EHMT1: variants seen among roughly 807,000 people sequenced by gnomAD.
EHMT1 encodes the protein histone-lysine N-methyltransferase EHMT1.
A neutral mutation model predicts 147.2 loss-of-function variants in EHMT1; 15 were observed. The observed-to-expected ratio is 0.10, with a 90% confidence interval of 0.07 to 0.16. The LOEUF (loss-of-function observed/expected upper bound fraction) is 0.16, where lower values mean the gene tolerates loss of function less well. Ranked by LOEUF, EHMT1 falls within the 10% of genes least tolerant of loss-of-function variation. EHMT1 has a pLI of 1.00. For synonymous variants in EHMT1, 795 were observed against 709.6 expected, an observed-to-expected ratio of 1.12 and a Z score of -1.91; for missense variants, 1,587 against 1,772.4, an observed-to-expected ratio of 0.90 and a Z score of 1.88.
At chr9:137,720,530 T>G (rs1006336250) in intron 3 of EHMT1, among the ~76,000 whole-genome samples, 18 of 152,182 alleles carry the variant, frequency 1.2e-4, no homozygotes, top group African/African-American at 4.1e-4. Context: ...CTTGAATTCC[T>G]GAGCTCAAGT....
intron 26 of EHMT1, 95 bp downstream of exon 26, chr9:137,834,619 AT>A: frequency 6.3e-7 from 1 of 1,596,852 alleles, no homozygotes; most frequent in Admixed American, 1.7e-5. Flanking sequence ...TCTCGGGTTT[AT>A]GCTAGTGGTT....
intron 4 of EHMT1, among the ~76,000 whole-genome samples, chr9:137,729,878 G>A (rs1946954822): frequency 6.6e-6 from 1 of 152,154 alleles, no homozygotes; most frequent in Non-Finnish European, 1.5e-5. Context: ...ATACCGCGAC[G>A]CCGCTCTCTA....
rs572235378 is a variant in EHMT1 at position 137,715,446 on chromosome 9, C to T, written c.86-1180C>T. 83 of 743,940 alleles carry T rather than the reference C, an allele frequency of 1.1e-4. No individual in the cohort carries two copies. The South Asian group carries it at 3.0e-3, about 27-fold the overall frequency. The allele number at this position is 743,940 out of a possible 1,614,324, so 46.1% of individuals were successfully genotyped here. ...GGGCATTTGCGCTCATAGGACTTAACGTCCTCGGGTGGAAGGACAGACGGC... is the reference window on the plus strand; with the variant it reads ...GGGCATTTGCGCTCATAGGACTTAATGTCCTCGGGTGGAAGGACAGACGGC... On this transcript the variant is annotated intron_variant, in intron 2 of 26. Transcript: ENST00000460843.
chr9:137,709,163 G>C (rs577160064), intron 1 of EHMT1, among the ~76,000 whole-genome samples: 2 of 152,372 alleles, frequency 1.3e-5, no homozygotes, highest in Admixed American at 1.3e-4. Context: ...TGAGGTCCTA[G>C]TATTACCATG....
At chr9:137,690,156 G>A (rs1165902804) in intron 1 of EHMT1, among the ~76,000 whole-genome samples, 1 of 152,196 alleles carries the variant, frequency 6.6e-6, no homozygotes, top group East Asian at 1.9e-4. Context: ...TGTTGCTGGT[G>A]TGAGAAGTGA....
chr9:137,770,968 C>G (rs570415982), intron 10 of EHMT1, among the ~76,000 whole-genome samples: 1 of 152,024 alleles, frequency 6.6e-6, no homozygotes, highest in African/African-American at 2.4e-5. Flanking sequence ...TGTTATAAAC[C>G]CATTCCCAAA....
rs797045557 is a variant in EHMT1, at chr9:137,743,535, G to C, written c.981+7G>C. 2 of 1,613,992 alleles carry C rather than the reference G, an allele frequency of 1.2e-6. No homozygotes were observed. Among genetic ancestry groups the C allele is most frequent in the Non-Finnish European group, 1.7e-6 (2 of 1,180,034 alleles). ...TTCCACTGTGGGTTCCAAGGTAAGA[G>C]ACGCATTTGAGTGAGTTGCCACGTG... On this transcript the variant is annotated splice_region_variant and intron_variant, in intron 5 of 26. Transcript: ENST00000460843.
intron 1 of EHMT1, among the ~76,000 whole-genome samples, chr9:137,626,366 A>G (rs900754619): frequency 6.6e-6 from 1 of 151,814 alleles, no homozygotes; most frequent in African/African-American, 2.4e-5. Flanking sequence ...TGGGACTTCC[A>G]GCATGCACCA....
intron 2 of EHMT1, among the ~76,000 whole-genome samples, chr9:137,713,672 G>A (rs1944946893): frequency 6.6e-6 from 1 of 151,968 alleles, no homozygotes; most frequent in Non-Finnish European, 1.5e-5. Context: ...GTGATTGGCT[G>A]GGCACACTGG....
intron 14 of EHMT1, 49 bp downstream of exon 14, chr9:137,779,766 T>C: frequency 1.9e-6 from 3 of 1,600,382 alleles, no homozygotes; most frequent in Non-Finnish European, 2.6e-6. Flanking sequence ...CCTGTGGCAC[T>C]GAAAGAAGCC....
At chr9:137,688,392 A>G (rs1328304268) in intron 1 of EHMT1, among the ~76,000 whole-genome samples, 3 of 152,064 alleles carry the variant, frequency 2.0e-5, no homozygotes. Flanking sequence ...GTTCATTTTC[A>G]TGTGTTCATC....
intron 1 of EHMT1, among the ~76,000 whole-genome samples, chr9:137,638,724 A>G (rs1435602533): frequency 6.6e-6 from 1 of 151,020 alleles, no homozygotes; most frequent in East Asian, 1.9e-4. Context: ...CTAATCCAGT[A>G]TGACTTACGT....
intron 14 of EHMT1, among the ~76,000 whole-genome samples, chr9:137,781,890 C>T (rs1316256674): frequency 6.6e-6 from 1 of 152,236 alleles, no homozygotes; most frequent in Non-Finnish European, 1.5e-5. Flanking sequence ...TCTCAGACCT[C>T]CTGGGAATTG....
chr9:137,755,995 C>A (rs950618378), intron 8 of EHMT1, among the ~76,000 whole-genome samples: 22 of 152,178 alleles, frequency 1.4e-4, no homozygotes, highest in African/African-American at 5.1e-4. Flanking sequence ...TAGTCTCTGA[C>A]CTGCCTTTTC....
chr9:137,714,525 G>C (rs190462045), intron 2 of EHMT1, among the ~76,000 whole-genome samples: 86 of 146,938 alleles, frequency 5.9e-4, no homozygotes, highest in African/African-American at 2.0e-3. Flanking sequence ...TTTTGTTGTT[G>C]GGGGGTGCGG....
intron 25 of EHMT1, among the ~76,000 whole-genome samples, chr9:137,830,328 GA>G (rs1956105048): frequency 6.6e-6 from 1 of 152,204 alleles, no homozygotes; most frequent in African/African-American, 2.4e-5. Context: ...TTTTGGAAGA[GA>G]AAGATTTTTA....
intron 1 of EHMT1, among the ~76,000 whole-genome samples, chr9:137,707,764 G>T (rs752233522): frequency 1.3e-5 from 2 of 152,214 alleles, no homozygotes; most frequent in Non-Finnish European, 2.9e-5. Context: ...ATGGAGTGGG[G>T]TTTGGCGGGT....
intron 4 of EHMT1, among the ~76,000 whole-genome samples, chr9:137,734,782 AAT>A (rs1947394330): frequency 6.6e-6 from 1 of 152,248 alleles, no homozygotes; most frequent in East Asian, 1.9e-4. Flanking sequence ...TGGGGGACAG[AAT>A]ATATCACCGG....
intron 1 of EHMT1, chr9:137,650,849 T>G (rs1202107531): frequency 6.6e-6 from 1 of 151,978 alleles, no homozygotes; most frequent in Non-Finnish European, 1.5e-5. Flanking sequence ...GTTTTTTAAT[T>G]TTTTGTGCAG....
Sources: allele counts gnomAD v4.1 joint callset (sites outside exome capture counted in the v4.1 genomes callset), GRCh38; gene constraint gnomAD v4.1.1; transcripts MANE v1.5; gene names NCBI Gene and HGNC (gene_info 2026-07-23, HGNC 2026-07-21).